The following CDK6 variants were observed in gnomAD, a reference collection of about 807,000 sequenced individuals.
The protein encoded by CDK6 is cyclin-dependent kinase 6.
In CDK6, 6 loss-of-function variants were observed where a neutral mutation model predicts 37.1. The ratio of observed to expected loss-of-function variants is 0.16; its 90% confidence interval spans 0.09 to 0.32. The LOEUF is 0.32. Among genes scored for constraint, CDK6 ranks in the 10% least tolerant of loss-of-function variants. The pLI is 1.00. For missense variants in CDK6, 224 were observed against 418.9 expected, an observed-to-expected ratio of 0.53 and a Z score of 4.06; for synonymous variants, 160 against 161.3, an observed-to-expected ratio of 0.99 and a Z score of 0.06.
intron 4 of CDK6, among the ~76,000 whole-genome samples, chr7:92,716,769 G>A (rs11524145): frequency 0.094 from 14,307 of 152,200 alleles, 775 homozygotes; most frequent in South Asian, 0.22. Context: ...CTATGAGTAT[G>A]AATATAACAC....
chr7:92,737,713 C>A (rs1233382724), intron 3 of CDK6, among the ~76,000 whole-genome samples: 1 of 152,156 alleles, frequency 6.6e-6, no homozygotes, highest in Non-Finnish European at 1.5e-5. Context: ...GAATTTGTGA[C>A]ATTATTTCCT....
intron 2 of CDK6, among the ~76,000 whole-genome samples, chr7:92,811,378 T>C (rs1800879619): frequency 6.6e-6 from 1 of 152,146 alleles, no homozygotes; most frequent in Non-Finnish European, 1.5e-5. Context: ...CTGAGACACG[T>C]GGCTGAAAAT....
chr7:92,827,891 T>G (rs1801367673), intron 2 of CDK6, among the ~76,000 whole-genome samples: 1 of 152,180 alleles, frequency 6.6e-6, no homozygotes. Context: ...TCAGAAGGCA[T>G]GGAAAACACA....
intron 3 of CDK6, among the ~76,000 whole-genome samples, chr7:92,758,562 A>G (rs1799373081): frequency 6.6e-6 from 1 of 152,158 alleles, no homozygotes; most frequent in Non-Finnish European, 1.5e-5. Flanking sequence ...GAAGTTCGGT[A>G]GCATGATGCC....
intron 3 of CDK6, among the ~76,000 whole-genome samples, chr7:92,728,306 AGTCT>A (rs1183098947): frequency 6.6e-6 from 1 of 152,206 alleles, no homozygotes; most frequent in Non-Finnish European, 1.5e-5. Context: ...GTGTCTTTTT[AGTCT>A]GTCTTTTAAA....
intron 3 of CDK6, among the ~76,000 whole-genome samples, chr7:92,752,841 C>G (rs1349289592): frequency 1.3e-5 from 2 of 152,068 alleles, no homozygotes; most frequent in Non-Finnish European, 2.9e-5. Context: ...GGTATTTTCT[C>G]TGCTATTCCT....
chr7:92,662,168 A>G (rs1305088004), intron 5 of CDK6, among the ~76,000 whole-genome samples: 1 of 152,234 alleles, frequency 6.6e-6, no homozygotes, highest in Non-Finnish European at 1.5e-5. Context: ...CCTTGTAAGC[A>G]GGGAGAATGC....
At chr7:92,720,184 T>G (rs932282455) in intron 4 of CDK6, among the ~76,000 whole-genome samples, 1 of 152,244 alleles carries the variant, frequency 6.6e-6, no homozygotes, top group Non-Finnish European at 1.5e-5. Context: ...TTTTTGGTTT[T>G]ATTATTTTAA....
At position 92,738,007 on chromosome 7, in the gene CDK6, C is replaced by T. The variant is rs185750994; in HGVS notation, c.370-12214G>A. Among the ~76,000 whole-genome samples, 10 of 152,288 alleles carry T rather than the reference C, an allele frequency of 6.6e-5. 1 individual carries two copies. In the East Asian group the frequency reaches 1.9e-3, roughly 29 times the overall value. On this transcript the variant is annotated intron_variant, in intron 3 of 7. Transcript: ENST00000424848. ...TATCTGTTTTGGGTAGAGTTGCACG[C>T]ACAGCTGCTTATGGGGACTCCATAG...
At chr7:92,772,702 C>T (rs2115774206) in intron 3 of CDK6, among the ~76,000 whole-genome samples, 1 of 152,126 alleles carries the variant, frequency 6.6e-6, no homozygotes. Context: ...CTTTTCCTAT[C>T]CTGCTTGCCC....
At chr7:92,656,120 GAGA>G (rs965586881) in intron 5 of CDK6, among the ~76,000 whole-genome samples, 3 of 152,152 alleles carry the variant, frequency 2.0e-5, no homozygotes, top group Admixed American at 1.3e-4. Flanking sequence ...AGAGAAGGAA[GAGA>G]AGGAGGAGAA....
At chr7:92,810,751 T>C (rs1392994211) in intron 2 of CDK6, among the ~76,000 whole-genome samples, 1 of 152,130 alleles carries the variant, frequency 6.6e-6, no homozygotes, top group Non-Finnish European at 1.5e-5. Flanking sequence ...AATTCAATAG[T>C]AAAGGGCTAT....
chr7:92,725,749 T>C lies in CDK6; in HGVS notation c.414A>G (p.Ser138=), dbSNP rs1798496361. ...TTAGATCGCGATGCACTACTCGGTG[T>C]GAATGAAGAAAGTCCAGACCTCGGA... The part of the protein sequence containing the change: ...QLLRGLDFLH[S]HRVVHRDLKP... The change falls in exon 4 of 8, where the codon TCA becomes TCG. Residue 138 remains serine, a synonymous_variant. Transcript: ENST00000424848. 4 of 1,613,456 alleles carry C rather than the reference T, an allele frequency of 2.5e-6. No homozygotes were observed. The African/African-American group carries it at 5.3e-5, about 22-fold the overall frequency.
chr7:92,702,559 A>C (rs1797876453), intron 4 of CDK6, among the ~76,000 whole-genome samples: 1 of 152,074 alleles, frequency 6.6e-6, no homozygotes. Flanking sequence ...ATTATGAAAA[A>C]ACTTCCATCT....
chr7:92,747,534 T>C (rs558055667), intron 3 of CDK6, among the ~76,000 whole-genome samples: 2 of 152,316 alleles, frequency 1.3e-5, no homozygotes, highest in South Asian at 4.1e-4. Context: ...TTTCCCCAAG[T>C]GGAAACCAGC....
At chr7:92,757,775 G>A (rs577523208) in intron 3 of CDK6, among the ~76,000 whole-genome samples, 1 of 152,294 alleles carries the variant, frequency 6.6e-6, no homozygotes, top group Admixed American at 6.5e-5. Flanking sequence ...CCCACCAACA[G>A]TGTATAGTGT....
At chr7:92,664,910 C>T (rs1160100581) in intron 5 of CDK6, among the ~76,000 whole-genome samples, 3 of 151,826 alleles carry the variant, frequency 2.0e-5, no homozygotes, top group Non-Finnish European at 2.9e-5. Flanking sequence ...CTCAGCCTCC[C>T]GAGTAGGTGG....
intron 5 of CDK6, among the ~76,000 whole-genome samples, chr7:92,664,849 G>A (rs368089663): frequency 1.9e-4 from 29 of 150,876 alleles, no homozygotes; most frequent in Admixed American, 1.4e-3. Context: ...GCAGTGGCAC[G>A]ATCTCAGCTC....
At chr7:92,807,314 G>T (rs1449646918) in intron 2 of CDK6, among the ~76,000 whole-genome samples, 2 of 151,732 alleles carry the variant, frequency 1.3e-5, no homozygotes, top group African/African-American at 4.8e-5. Context: ...TATATCTAGA[G>T]ATATCTATAT....
Sources: gnomAD v4.1 joint callset for allele counts (sites outside exome capture counted in the v4.1 genomes callset) on GRCh38, gnomAD v4.1.1 for gene constraint, MANE v1.5 for transcripts, NCBI Gene and HGNC (gene_info 2026-07-23, HGNC 2026-07-21) for gene names.